Variants in SLC39A11 observed in about 807,000 individuals in gnomAD.
SLC39A11 encodes the protein solute carrier family 39 member 11, also known as zinc transporter ZIP11.
Under a neutral mutation model 36.1 loss-of-function variants are expected in SLC39A11, and 33 were observed. The observed-to-expected ratio is 0.91, with a 90% confidence interval of 0.69 to 1.22. The LOEUF (loss-of-function observed/expected upper bound fraction) is 1.22. Among genes scored for constraint, SLC39A11 ranks in the 50% most tolerant of loss-of-function variants. SLC39A11 has a pLI of 0.00. For missense variants in SLC39A11, 432 were observed against 430.3 expected, an observed-to-expected ratio of 1.00 and a Z score of -0.03; for synonymous variants, 166 against 170.3, an observed-to-expected ratio of 0.97 and a Z score of 0.20.
rs112106651 is a variant in SLC39A11, at chr17:72,999,656, G to A, written c.306+31900C>T. Reference sequence around the variant, plus strand: ...CTCTGAGGAGCCACGGAAGGCAACAGGTCCATTTCCTGCTGTGGTGAACAC... The same window carrying A: ...CTCTGAGGAGCCACGGAAGGCAACAAGTCCATTTCCTGCTGTGGTGAACAC... On this transcript the variant is annotated intron_variant, in intron 4 of 9. Coordinates refer to ENST00000255559, the MANE Select transcript of SLC39A11 (RefSeq NM_139177.4). 5.9e-5 allele frequency among the ~76,000 whole-genome samples: 9 copies of A among 152,338 alleles called. 1 individual carries two copies. Among genetic ancestry groups the A allele is most frequent in the African/African-American group, 2.2e-4 (9 of 41,586 alleles).
chr17:72,981,285 T>G (rs535678316), intron 4 of SLC39A11, among the ~76,000 whole-genome samples: 1 of 152,178 alleles, frequency 6.6e-6, no homozygotes, highest in Non-Finnish European at 1.5e-5. Flanking sequence ...TCTGGACTAG[T>G]CACACTTCAA....
intron 3 of SLC39A11, among the ~76,000 whole-genome samples, chr17:73,065,401 G>T (rs1239606406): frequency 2.0e-5 from 3 of 152,050 alleles, no homozygotes; most frequent in African/African-American, 7.2e-5. Context: ...CGAGACTCCA[G>T]CTCAAAAAAT....
intron 5 of SLC39A11, among the ~76,000 whole-genome samples, chr17:72,903,582 C>T (rs2082503500): frequency 6.6e-6 from 1 of 152,194 alleles, no homozygotes; most frequent in African/African-American, 2.4e-5. Context: ...CACAGAGGGG[C>T]AGCCAAGCCC....
chr17:72,917,659 T>A (rs756981228), intron 5 of SLC39A11, among the ~76,000 whole-genome samples: 1 of 152,214 alleles, frequency 6.6e-6, no homozygotes, highest in Non-Finnish European at 1.5e-5. Context: ...CCTTGTGACA[T>A]GTGGACGTCA....
intron 4 of SLC39A11, among the ~76,000 whole-genome samples, chr17:72,961,688 T>G (rs989769624): frequency 5.4e-5 from 8 of 147,532 alleles, no homozygotes; most frequent in Admixed American, 1.4e-4. Context: ...AATTGAACAA[T>G]GAGATCACTT....
chr17:72,830,748 A>G (rs530451197), intron 6 of SLC39A11, among the ~76,000 whole-genome samples: 44 of 152,162 alleles, frequency 2.9e-4, no homozygotes, highest in African/African-American at 1.0e-3. Context: ...CGTGGCCCCA[A>G]ATATCTTCAT....
intron 5 of SLC39A11, among the ~76,000 whole-genome samples, chr17:72,900,221 GA>G (rs2082319754): frequency 7.1e-6 from 1 of 141,186 alleles, no homozygotes; most frequent in Non-Finnish European, 1.6e-5. Context: ...AAGAAAGAAA[GA>G]AAGAAAGAAA....
rs373066419 is a variant in SLC39A11, at chr17:72,919,582, G to A, written c.430+28170C>T. On this transcript the variant is annotated intron_variant, in intron 5 of 9. Transcript: ENST00000255559. ...AGCTACTCGGGGGGCTGAGGCAGGA[G>A]AATGGCGAGAACCCGGGAGGTGGAG... Among the ~76,000 whole-genome samples, 654 of 149,462 alleles carry A rather than the reference G, an allele frequency of 4.4e-3. 2 individuals are homozygous for A. The highest frequency in any genetic ancestry group is 0.015 in the African/African-American group (612 of 40,458).
Position 72,879,394 on chromosome 17 carries a change from T to G in SLC39A11, c.431-29590A>C, listed in dbSNP as rs201563574. 5.3e-5 allele frequency among the ~76,000 whole-genome samples: 8 copies of G among 152,336 alleles called. No homozygotes were observed. In the East Asian group the frequency reaches 1.5e-3, roughly 29 times the overall value. ...CTTATCACTCATACAAAAGATTCTCTTATCAACTCCAGAGATTCCATGGGT... is the reference window on the plus strand; with the variant it reads ...CTTATCACTCATACAAAAGATTCTCGTATCAACTCCAGAGATTCCATGGGT... On this transcript the variant is annotated intron_variant, in intron 5 of 9. Transcript: ENST00000255559.
chr17:72,654,859 G>C (rs1484191406), intron 7 of SLC39A11, among the ~76,000 whole-genome samples: 1 of 152,188 alleles, frequency 6.6e-6, no homozygotes, highest in Non-Finnish European at 1.5e-5. Context: ...CCCATCCAAA[G>C]TCCTCGCCGT....
At chr17:72,943,101 TGGAGAAGA>T (rs1456696257) in intron 5 of SLC39A11, among the ~76,000 whole-genome samples, 2 of 152,118 alleles carry the variant, frequency 1.3e-5, no homozygotes, top group Non-Finnish European at 2.9e-5. Flanking sequence ...CTGTGATACC[TGGAGAAGA>T]GAGAGTGTCT....
chr17:72,894,794 C>T (rs1423101466), intron 5 of SLC39A11, among the ~76,000 whole-genome samples: 1 of 152,018 alleles, frequency 6.6e-6, no homozygotes, highest in Admixed American at 6.6e-5. Context: ...TGGGAGGTTG[C>T]TAGGCAATGG....
At chr17:72,828,837 C>T (rs369794174) in intron 6 of SLC39A11, among the ~76,000 whole-genome samples, 4 of 152,282 alleles carry the variant, frequency 2.6e-5, no homozygotes, top group African/African-American at 9.6e-5. Flanking sequence ...CCAAAGGCTC[C>T]CACCCTGGTG....
At chr17:72,869,465 C>A (rs1306410434) in intron 5 of SLC39A11, among the ~76,000 whole-genome samples, 1 of 152,212 alleles carries the variant, frequency 6.6e-6, no homozygotes, top group African/African-American at 2.4e-5. Flanking sequence ...TCTTGGCTCA[C>A]TGCAACCTCT....
At chr17:72,856,712 GCT>G (rs2079657493) in intron 5 of SLC39A11, among the ~76,000 whole-genome samples, 2 of 150,072 alleles carry the variant, frequency 1.3e-5, no homozygotes, top group Admixed American at 6.7e-5. Flanking sequence ...ATAGATTCTT[GCT>G]CTGTCACCCA....
intron 6 of SLC39A11, among the ~76,000 whole-genome samples, chr17:72,782,674 C>G (rs948204146): frequency 8.5e-6 from 1 of 117,378 alleles, no homozygotes; most frequent in Non-Finnish European, 1.6e-5. Flanking sequence ...GGCGACACAG[C>G]AAGACCCCAT....
intron 2 of SLC39A11, 70 bp from the exon 3 acceptor site, chr17:73,084,916 A>G: frequency 1.3e-6 from 2 of 1,530,094 alleles, no homozygotes; most frequent in South Asian, 2.2e-5. Flanking sequence ...ACAAGAAGAA[A>G]CCATAAGGCC....
intron 4 of SLC39A11, among the ~76,000 whole-genome samples, chr17:73,029,586 C>CTT (rs796247633): frequency 1.3e-4 from 19 of 145,170 alleles, no homozygotes; most frequent in East Asian, 8.1e-4. Flanking sequence ...GCCACTCAAT[C>CTT]TTTTTTTTTT....
intron 5 of SLC39A11, among the ~76,000 whole-genome samples, chr17:72,868,229 TAAC>T (rs2080409851): frequency 6.6e-6 from 1 of 152,180 alleles, no homozygotes; most frequent in East Asian, 1.9e-4. Context: ...CATCCCATGC[TAAC>T]TATTCCAGAG....
Sources: gnomAD v4.1 joint callset for allele counts (sites outside exome capture counted in the v4.1 genomes callset) on GRCh38, gnomAD v4.1.1 for gene constraint, MANE v1.5 for transcripts, NCBI Gene and HGNC (gene_info 2026-07-23, HGNC 2026-07-21) for gene names.